GABBR2: variants seen among roughly 807,000 people sequenced by gnomAD.
The protein encoded by GABBR2 is gamma-aminobutyric acid type B receptor subunit 2, also known as G-protein coupled receptor 51.
Under a neutral mutation model 105.6 loss-of-function variants are expected in GABBR2, and 23 were observed. That is an observed-to-expected ratio of 0.22 (90% CI 0.16 to 0.31). GABBR2 has a LOEUF of 0.31. Among genes scored for constraint, GABBR2 ranks in the 10% least tolerant of loss-of-function variants. GABBR2 has a pLI of 1.00. For synonymous variants in GABBR2, 478 were observed against 499.7 expected, an observed-to-expected ratio of 0.96 and a Z score of 0.58; for missense variants, 734 against 1,245.5, an observed-to-expected ratio of 0.59 and a Z score of 6.18.
At chr9:98,542,544 T>C (rs1828325571) in intron 2 of GABBR2, among the ~76,000 whole-genome samples, 4 of 152,256 alleles carry the variant, frequency 2.6e-5, no homozygotes, top group Admixed American at 2.0e-4. Flanking sequence ...CATATTATTC[T>C]ACAGGCATCT....
At chr9:98,526,425 C>T (rs1265268945) in intron 3 of GABBR2, among the ~76,000 whole-genome samples, 1 of 152,166 alleles carries the variant, frequency 6.6e-6, no homozygotes. Flanking sequence ...TCTCAGGTCT[C>T]CTTATAACCT....
At chr9:98,329,696 T>C (rs1022813320) in intron 13 of GABBR2, among the ~76,000 whole-genome samples, 1 of 152,192 alleles carries the variant, frequency 6.6e-6, no homozygotes, top group African/African-American at 2.4e-5. Flanking sequence ...TCAGAGTGCT[T>C]TGTCTCTCCC....
chr9:98,447,063 C>CTTTTTTTTTTTTTTTTTTTTT (rs369338702), intron 7 of GABBR2, among the ~76,000 whole-genome samples: 33 of 116,346 alleles, frequency 2.8e-4, no homozygotes, highest in African/African-American at 9.8e-4. Context: ...AAAAAGACTT[C>CTTTTTTTTTTTTTTTTTTTTT]TTTTTTTTTT....
At chr9:98,623,669 C>G (rs1829698459) in intron 1 of GABBR2, among the ~76,000 whole-genome samples, 1 of 152,164 alleles carries the variant, frequency 6.6e-6, no homozygotes, top group East Asian at 1.9e-4. Flanking sequence ...CAGTGCAGCA[C>G]CTTCTAATCT....
intron 13 of GABBR2, among the ~76,000 whole-genome samples, chr9:98,341,707 C>A (rs1221662918): frequency 6.6e-6 from 1 of 152,174 alleles, no homozygotes; most frequent in African/African-American, 2.4e-5. Context: ...TCCACGAGGA[C>A]CTAACCTGTG....
intron 7 of GABBR2, among the ~76,000 whole-genome samples, chr9:98,423,823 T>C (rs916436461): frequency 6.6e-6 from 1 of 152,232 alleles, no homozygotes; most frequent in Non-Finnish European, 1.5e-5. Context: ...TTTCTACATA[T>C]GGCTAGCCAG....
chr9:98,456,322 T>G (rs1467261518), intron 6 of GABBR2, among the ~76,000 whole-genome samples: 1 of 152,206 alleles, frequency 6.6e-6, no homozygotes, highest in African/African-American at 2.4e-5. Flanking sequence ...ATGATAATTC[T>G]CAGCATTCAA....
At chr9:98,314,546 A>G (rs1323216884) in intron 13 of GABBR2, among the ~76,000 whole-genome samples, 1 of 152,220 alleles carries the variant, frequency 6.6e-6, no homozygotes, top group Non-Finnish European at 1.5e-5. Context: ...TGCTCTTCAC[A>G]GGAAACTGAC....
intron 2 of GABBR2, among the ~76,000 whole-genome samples, chr9:98,569,983 G>A (rs1828804639): frequency 1.3e-5 from 2 of 152,172 alleles, no homozygotes; most frequent in Admixed American, 1.3e-4. Flanking sequence ...ATAGCAAAAG[G>A]CCTGATTTGG....
chr9:98,653,970 G>T (rs1278506321), intron 1 of GABBR2, among the ~76,000 whole-genome samples: 1 of 152,164 alleles, frequency 6.6e-6, no homozygotes, highest in African/African-American at 2.4e-5. Flanking sequence ...AAGAAACTGA[G>T]GTTTGGAGAG....
chr9:98,588,607 G>A (rs905235188), intron 1 of GABBR2, among the ~76,000 whole-genome samples: 3 of 152,172 alleles, frequency 2.0e-5, no homozygotes, highest in African/African-American at 4.8e-5. Context: ...TGAGTAATTT[G>A]CCCCAAGTTG....
intron 15 of GABBR2, among the ~76,000 whole-genome samples, chr9:98,305,437 C>T (rs927111028): frequency 2.0e-5 from 3 of 152,186 alleles, no homozygotes; most frequent in African/African-American, 7.2e-5. Flanking sequence ...CCCTCAATGA[C>T]AGTTATGAAT....
At chr9:98,413,027 T>C (rs151069450) in intron 7 of GABBR2, among the ~76,000 whole-genome samples, 17 of 152,340 alleles carry the variant, frequency 1.1e-4, no homozygotes, top group African/African-American at 1.7e-4. Flanking sequence ...CTCCCATGTA[T>C]ATATATTAAA....
chr9:98,399,336 A>G (rs1251690475), intron 8 of GABBR2, among the ~76,000 whole-genome samples: 2 of 147,644 alleles, frequency 1.4e-5, no homozygotes, highest in Non-Finnish European at 3.0e-5. Flanking sequence ...TGGGTGACAA[A>G]GCAAGACTCC....
chr9:98,350,982 G>C (rs1831389103), intron 13 of GABBR2, among the ~76,000 whole-genome samples: 1 of 152,030 alleles, frequency 6.6e-6, no homozygotes, highest in African/African-American at 2.4e-5. Flanking sequence ...TTATCATTAT[G>C]TCATGTTCTC....
At position 98,455,484 on chromosome 9, in the gene GABBR2, G is replaced by A. The variant is rs544181450; in HGVS notation, c.1000-1267C>T. 2.6e-5 allele frequency among the ~76,000 whole-genome samples: 4 copies of A among 152,306 alleles called. No homozygotes were observed. In the East Asian group the frequency reaches 5.8e-4, roughly 22 times the overall value. ...AGAAGGGCCCCTTAGGGACAGTCAC[G>A]GGCATGCAGTCAGTCTATAGCCTGA... On this transcript the variant is annotated intron_variant, in intron 6 of 18. Coordinates refer to ENST00000259455, the MANE Select transcript of GABBR2 (RefSeq NM_005458.8).
chr9:98,581,951 G>A (rs900711553), intron 1 of GABBR2, among the ~76,000 whole-genome samples: 1 of 152,302 alleles, frequency 6.6e-6, no homozygotes, highest in African/African-American at 2.4e-5. Context: ...ACTGGGATAT[G>A]TCAACTAAAA....
intron 5 of GABBR2, among the ~76,000 whole-genome samples, chr9:98,474,962 T>C (rs1455913458): frequency 3.3e-5 from 5 of 152,036 alleles, no homozygotes; most frequent in African/African-American, 4.8e-5. Flanking sequence ...AGTTAAAAGA[T>C]TTGTTCCTTG....
In GABBR2 at chr9:98,552,711, C is replaced by A. The variant is rs542537787; in HGVS notation, c.460-10668G>T. On this transcript the variant is annotated intron_variant, in intron 2 of 18. Coordinates refer to ENST00000259455, the MANE Select transcript of GABBR2 (RefSeq NM_005458.8). The stretch of plus-strand genomic sequence containing the variant: ...TCCAACAAAAGGCCTTCTGGGGTAT[C>A]GTGCATAGACTGGCTGTAAGATTTT... Among the ~76,000 whole-genome samples the A allele has an allele frequency of 2.0e-5, 3 of 152,276 alleles. No homozygotes were observed. In the South Asian group the frequency reaches 6.2e-4, roughly 32 times the overall value.
Sources: gnomAD v4.1 joint callset for allele counts (sites outside exome capture counted in the v4.1 genomes callset) on GRCh38, gnomAD v4.1.1 for gene constraint, MANE v1.5 for transcripts, NCBI Gene and HGNC (gene_info 2026-07-23, HGNC 2026-07-21) for gene names.